The following PCDHA6 variants were observed in gnomAD, a reference collection of about 807,000 sequenced individuals.
The protein encoded by PCDHA6 is protocadherin alpha 6.
PCDHA6 carries 55 observed loss-of-function variants against 60.3 expected under a neutral mutation model. The observed-to-expected ratio is 0.91, with a 90% CI of 0.73 to 1.14. The LOEUF is 1.14. Among genes scored for constraint, PCDHA6 ranks in the 50% most tolerant of loss-of-function variants. The pLI is 0.00. For synonymous variants in PCDHA6, 652 were observed against 557.9 expected, an observed-to-expected ratio of 1.17 and a Z score of -2.38; for missense variants, 1,327 against 1,256.5, an observed-to-expected ratio of 1.06 and a Z score of -0.85.
At chr5:140,975,364 C>G (rs2096664243) in intron 1 of PCDHA6, among the ~76,000 whole-genome samples, 1 of 152,204 alleles carries the variant, frequency 6.6e-6, no homozygotes, top group South Asian at 2.1e-4. Flanking sequence ...TGCTACATAG[C>G]ATAATGTAAT....
At chr5:140,915,770 A>G (rs1215607027) in intron 1 of PCDHA6, among the ~76,000 whole-genome samples, 4 of 151,908 alleles carry the variant, frequency 2.6e-5, no homozygotes, top group African/African-American at 4.8e-5. Context: ...GTCTTGTCCA[A>G]GGCCTGCTGT....
intron 3 of PCDHA6, among the ~76,000 whole-genome samples, chr5:141,003,290 G>A (rs1302166316): frequency 1.3e-5 from 2 of 152,176 alleles, no homozygotes; most frequent in Non-Finnish European, 2.9e-5. Flanking sequence ...TTGGATTATA[G>A]GATTACATGA....
At chr5:140,902,125 A>G (rs530625414) in intron 1 of PCDHA6, among the ~76,000 whole-genome samples, 27 of 150,728 alleles carry the variant, frequency 1.8e-4, no homozygotes, top group African/African-American at 6.1e-4. Context: ...CTGAGATTAT[A>G]TCATCTGCAA....
intron 1 of PCDHA6, chr5:140,927,048 G>C: frequency 6.2e-7 from 1 of 1,612,122 alleles, no homozygotes; most frequent in Non-Finnish European, 8.5e-7. Flanking sequence ...CTATGTCCTC[G>C]CGGAACTTTC....
chr5:140,987,481 G>T (rs1244029095), intron 3 of PCDHA6, among the ~76,000 whole-genome samples: 1 of 152,170 alleles, frequency 6.6e-6, no homozygotes, highest in Non-Finnish European at 1.5e-5. Flanking sequence ...TTGGGAGTCA[G>T]TGACCCTTTC....
In PCDHA6 at chr5:140,828,717, A is replaced by G; in HGVS notation, c.626A>G (p.Asn209Ser). The change falls in exon 1 of 4, where the codon AAC (asparagine) becomes AGC (serine). Residue 209 changes from asparagine (N) to serine (S), a missense_variant. Transcript: ENST00000529310. ...SLDREEAPAH[N>S]LFLTATDGGK... The stretch of plus-strand genomic sequence containing the variant: ...GACAGAGAGGAAGCTCCTGCACACA[A>G]CTTATTCCTGACAGCCACAGATGGG... 4.3e-6 allele frequency: 7 copies of G among 1,614,226 alleles called. No homozygotes were observed. The highest frequency in any genetic ancestry group is 5.9e-6 in the Non-Finnish European group (7 of 1,180,048).
At chr5:140,858,411 CTAT>C (rs782056031) in intron 1 of PCDHA6, 1 of 1,564,168 alleles carries the variant, frequency 6.4e-7, no homozygotes. Flanking sequence ...GAAGATCAGT[CTAT>C]TGGAGGGGAC....
chr5:140,985,236 C>G (rs1338808702), intron 3 of PCDHA6, among the ~76,000 whole-genome samples: 1 of 152,184 alleles, frequency 6.6e-6, no homozygotes, highest in Admixed American at 6.5e-5. Context: ...CGCGCCTGGC[C>G]TAATCTTCTT....
Position 141,012,131 on chromosome 5 carries a change from G to A in PCDHA6, c.*2194G>A, listed in dbSNP as rs1214098938. The A allele has an allele frequency of 1.3e-5, 2 of 153,688 alleles. No individual in the cohort carries two copies. The highest frequency in any genetic ancestry group is 2.9e-5 in the Non-Finnish European group (2 of 68,026). 9.5% of individuals were successfully genotyped at this position (153,688 alleles called of 1,614,324 possible). A position where few individuals can be genotyped will look rare whatever the true frequency, so the allele number is the denominator to read the frequency against. ...CTGAAGCCCATGTATCTGACCTTAC[G>A]TGCCTTTTGAACTAGGAGAATCGGG... On this transcript the variant is annotated 3_prime_UTR_variant, in exon 4 of 4. Transcript: ENST00000529310.
chr5:140,883,552 G>A, intron 1 of PCDHA6: 2 of 1,614,234 alleles, frequency 1.2e-6, no homozygotes, highest in South Asian at 1.1e-5. Flanking sequence ...TGACCGCGCG[G>A]GACGGGGGCT....
chr5:140,952,658 C>T (rs2094779074), intron 1 of PCDHA6, among the ~76,000 whole-genome samples: 1 of 152,196 alleles, frequency 6.6e-6, no homozygotes. Flanking sequence ...TACCCAGTTC[C>T]AAAGTCACTT....
chr5:140,876,875 A>G, intron 1 of PCDHA6: 1 of 1,613,762 alleles, frequency 6.2e-7, no homozygotes, highest in Admixed American at 1.7e-5. Flanking sequence ...AAGGAGAACA[A>G]CCCGCCGGGC....
At chr5:140,841,512 T>C in intron 1 of PCDHA6, 1 of 1,613,424 alleles carries the variant, frequency 6.2e-7, no homozygotes, top group East Asian at 2.2e-5. Flanking sequence ...CCGCGCCTGT[T>C]CCGGGTGGCG....
At position 140,841,226 on chromosome 5, in the gene PCDHA6, G is replaced by A. The variant is rs2150312161; in HGVS notation, c.2394+10741G>A. 1.1e-5 allele frequency: 16 copies of A among 1,452,002 alleles called. 1 individual carries two copies. Among genetic ancestry groups the A allele is most frequent in the Non-Finnish European group, 1.5e-5 (16 of 1,077,992 alleles). The allele number at this position is 1,452,002 out of a possible 1,614,324, so 89.9% of individuals were successfully genotyped here. On this transcript the variant is annotated intron_variant, in intron 1 of 3. Transcript: ENST00000529310. The stretch of plus-strand genomic sequence containing the variant: ...CATCTGTCTCTAAAGGCCGAACAAC[G>A]GGAGATGCAGCGGAATTGGATTAAA...
chr5:140,947,131 G>A (rs994081159), intron 1 of PCDHA6, among the ~76,000 whole-genome samples: 10 of 151,080 alleles, frequency 6.6e-5, no homozygotes, highest in African/African-American at 2.2e-4. Context: ...AATAAAAATA[G>A]TAAAATGTAT....
At chr5:140,838,499 T>G (rs1411144727) in intron 1 of PCDHA6, among the ~76,000 whole-genome samples, 5 of 151,960 alleles carry the variant, frequency 3.3e-5, no homozygotes, top group Non-Finnish European at 5.9e-5. Context: ...TGCTTTCTTA[T>G]TTTTAAAAGT....
chr5:140,859,320 G>A (rs1374549537), intron 1 of PCDHA6: 1 of 128,738 alleles, frequency 7.8e-6, no homozygotes, highest in African/African-American at 2.7e-5. Context: ...TTAAAAGTTT[G>A]AGGAGAAAAT....
At chr5:140,836,573 C>A (rs1247544483) in intron 1 of PCDHA6, 4 of 1,613,690 alleles carry the variant, frequency 2.5e-6, no homozygotes, top group South Asian at 2.2e-5. Context: ...CCTCTGAGGG[C>A]GCATGTAGTT....
At chr5:140,940,470 A>AT (rs201096499) in intron 1 of PCDHA6, among the ~76,000 whole-genome samples, 9 of 149,600 alleles carry the variant, frequency 6.0e-5, no homozygotes, top group East Asian at 5.9e-4. Context: ...GTTCCCTGCA[A>AT]TTTTTTTTTT....
Sources: allele counts gnomAD v4.1 joint callset (sites outside exome capture counted in the v4.1 genomes callset), GRCh38; gene constraint gnomAD v4.1.1; transcripts MANE v1.5; gene names NCBI Gene and HGNC (gene_info 2026-07-23, HGNC 2026-07-21).